Variants in CARNMT1 observed in about 807,000 individuals in gnomAD.
CARNMT1 encodes carnosine N-methyltransferase 1, also known as protein-L-histidine N-pros-methyltransferase CARNMT1.
In CARNMT1, 28 loss-of-function variants were observed where a neutral mutation model predicts 49.6. The ratio of observed to expected loss-of-function variants is 0.56; its 90% CI spans 0.42 to 0.77. The LOEUF (loss-of-function observed/expected upper bound fraction) is 0.77, where lower values mean the gene tolerates loss of function less well. Among genes scored for constraint, CARNMT1 ranks in the 30% least tolerant of loss-of-function variants. CARNMT1 has a pLI of 0.00. For synonymous variants in CARNMT1, 178 were observed against 175.0 expected (o/e 1.02, Z -0.13); for missense variants, 421 against 512.6 (o/e 0.82, Z 1.73).
chr9:75,017,497 AG>A (rs779293263), intron 1 of CARNMT1, 49 bp from the exon 2 acceptor site: 8 of 1,496,608 alleles, frequency 5.3e-6, no homozygotes, highest in African/African-American at 1.4e-5. Context: ...TTCTCACCAG[AG>A]GCCAATCTTA....
At chr9:74,990,123 T>C (rs765612655) in intron 6 of CARNMT1, among the ~76,000 whole-genome samples, 1 of 152,166 alleles carries the variant, frequency 6.6e-6, no homozygotes, top group South Asian at 2.1e-4. Context: ...AAACCTATGA[T>C]TGGTGAGAGG....
In CARNMT1 at chr9:74,982,988, C is replaced by G. The variant is rs1832725440; in HGVS notation, c.*779G>C. Reference sequence around the variant, plus strand: ...GAATATATTTTACCGGCCTGTGATGCTATTAAATTTAACATTTCATAAAAA... The same window carrying G: ...GAATATATTTTACCGGCCTGTGATGGTATTAAATTTAACATTTCATAAAAA... On this transcript the variant is annotated 3_prime_UTR_variant, in exon 8 of 8. Coordinates refer to ENST00000376834, the MANE Select transcript of CARNMT1 (RefSeq NM_152420.3). 1 of 152,030 alleles carries G rather than the reference C, an allele frequency of 6.6e-6. No homozygotes were observed. The highest frequency in any genetic ancestry group is 1.5e-5 in the Non-Finnish European group (1 of 67,996). 9.4% of individuals were successfully genotyped at this position (152,030 alleles called of 1,614,324 possible).
In CARNMT1 at chr9:75,028,222, G is replaced by A. The variant is rs1010934646; in HGVS notation, c.20C>T (p.Pro7Leu). ...GGGCAGCCGGGAGGTGGGCGGCGGA[G>A]GGCGACGCCGTCGCTGCATCGCCGC... is the stretch of plus-strand genomic sequence containing the variant. MQRRRR[P>L]PPPTSRLPEG... The change falls in exon 1 of 8, where the codon CCT becomes CTT. Residue 7 changes from proline (P) to leucine (L), a missense_variant. Transcript: ENST00000376834. 2 of 1,400,874 alleles carry A rather than the reference G, an allele frequency of 1.4e-6. No individual in the cohort carries two copies. The highest frequency in any genetic ancestry group is 3.0e-5 in the African/African-American group (2 of 65,574). The allele number at this position is 1,400,874 out of a possible 1,614,324, so 86.8% of individuals were successfully genotyped here. A position where few individuals can be genotyped will look rare whatever the true frequency, so the allele number is the denominator to read the frequency against.
intron 3 of CARNMT1, among the ~76,000 whole-genome samples, chr9:75,014,201 T>C (rs1472251766): frequency 1.3e-5 from 2 of 152,098 alleles, no homozygotes; most frequent in African/African-American, 2.4e-5. Flanking sequence ...ACAACCTTAG[T>C]CTAAGGGAAA....
intron 6 of CARNMT1, among the ~76,000 whole-genome samples, chr9:74,986,205 C>T (rs1194617990): frequency 2.0e-5 from 3 of 152,174 alleles, no homozygotes; most frequent in Non-Finnish European, 4.4e-5. Context: ...ACTCCCCATA[C>T]AATGTGCTAA....
intron 6 of CARNMT1, among the ~76,000 whole-genome samples, chr9:74,994,479 T>C (rs561775294): frequency 1.3e-5 from 2 of 152,314 alleles, no homozygotes; most frequent in South Asian, 2.1e-4. Flanking sequence ...TTGCCCAGGC[T>C]GGTCTTGAGA....
Position 75,004,946 on chromosome 9 carries a change from A to G in CARNMT1, c.591-5076T>C, listed in dbSNP as rs184962629. 2.6e-5 allele frequency among the ~76,000 whole-genome samples: 4 copies of G among 152,350 alleles called. No individual in the cohort carries two copies. In the East Asian group the frequency reaches 5.8e-4, roughly 22 times the overall value. On this transcript the variant is annotated intron_variant, in intron 3 of 7. Transcript: ENST00000376834. ...TTAGACTCAAAAAATGTGATTTTAC[A>G]TGTTAGCCTTCCTTCCAGATAGGAT... is the stretch of plus-strand genomic sequence containing the variant.
At chr9:74,995,961 A>T (rs1395205697) in intron 6 of CARNMT1, 1 of 152,030 alleles carries the variant, frequency 6.6e-6, no homozygotes, top group Non-Finnish European at 1.5e-5. Flanking sequence ...AATTTTGCAT[A>T]AAAAAAATTG....
intron 1 of CARNMT1, among the ~76,000 whole-genome samples, chr9:75,017,858 A>C (rs1329951202): frequency 6.6e-6 from 1 of 152,224 alleles, no homozygotes; most frequent in Non-Finnish European, 1.5e-5. Flanking sequence ...GAAATTAACT[A>C]AAAGCTAACC....
At chr9:75,002,889 T>C (rs1424022396) in intron 3 of CARNMT1, among the ~76,000 whole-genome samples, 1 of 152,058 alleles carries the variant, frequency 6.6e-6, no homozygotes. Flanking sequence ...TACAGGTGTG[T>C]GCCACCATGC....
intron 6 of CARNMT1, among the ~76,000 whole-genome samples, chr9:74,989,790 C>CAACA (rs1832960465): frequency 6.6e-6 from 1 of 152,112 alleles, no homozygotes; most frequent in South Asian, 2.1e-4. Flanking sequence ...CACTCAAAGT[C>CAACA]AACAGCACAG....
At chr9:75,021,902 C>G (rs954970584) in intron 1 of CARNMT1, among the ~76,000 whole-genome samples, 7 of 151,862 alleles carry the variant, frequency 4.6e-5, no homozygotes, top group African/African-American at 1.7e-4. Context: ...TGTGTCACTG[C>G]ACTACAGGCT....
chr9:74,992,760 T>C (rs912586990), intron 6 of CARNMT1, among the ~76,000 whole-genome samples: 3 of 152,208 alleles, frequency 2.0e-5, no homozygotes, highest in African/African-American at 7.2e-5. Flanking sequence ...TTCATGCAGT[T>C]TGGGCAACAT....
chr9:75,028,366 GC>G, upstream of CARNMT1: 1 of 1,301,712 alleles, frequency 7.7e-7, no homozygotes, highest in Non-Finnish European at 9.7e-7. Context: ...GGCGCGCTCC[GC>G]CCCCGCCACC....
chr9:75,018,850 C>A (rs1833925640), intron 1 of CARNMT1, among the ~76,000 whole-genome samples: 1 of 151,988 alleles, frequency 6.6e-6, no homozygotes, highest in South Asian at 2.1e-4. Flanking sequence ...ACCAGTAATC[C>A]CAGCTACTTG....
intron 6 of CARNMT1, among the ~76,000 whole-genome samples, chr9:74,986,896 CATCTT>C (rs1347868509): frequency 6.6e-6 from 1 of 152,202 alleles, no homozygotes; most frequent in Non-Finnish European, 1.5e-5. Flanking sequence ...TCAAGGAACA[CATCTT>C]AAGTTGCTTT....
intron 3 of CARNMT1, among the ~76,000 whole-genome samples, chr9:75,014,703 C>T (rs1396686566): frequency 1.3e-5 from 2 of 152,014 alleles, no homozygotes; most frequent in Non-Finnish European, 2.9e-5. Context: ...TTAAAATAGC[C>T]AGGCATAGTG....
rs1218333471 is a variant in CARNMT1, at chr9:74,983,484, T to A, written c.*283A>T. On this transcript the variant is annotated 3_prime_UTR_variant, in exon 8 of 8. Coordinates refer to ENST00000376834, the MANE Select transcript of CARNMT1 (RefSeq NM_152420.3). The stretch of plus-strand genomic sequence containing the variant: ...ATCATGAAGACACTGGAGATTAGGT[T>A]TTTTTCCTACTGAAACACAATTCTG... The A allele has an allele frequency of 2.4e-5, 6 of 245,230 alleles. No individual in the cohort carries two copies. The highest frequency in any genetic ancestry group is 1.2e-3 in the Middle Eastern group (1 of 822). The allele number at this position is 245,230 out of a possible 1,614,324, so 15.2% of individuals were successfully genotyped here. A position where few individuals can be genotyped will look rare whatever the true frequency, so the allele number is the denominator to read the frequency against.
chr9:75,021,671 C>T (rs896714515), intron 1 of CARNMT1, among the ~76,000 whole-genome samples: 1 of 151,538 alleles, frequency 6.6e-6, no homozygotes, highest in Non-Finnish European at 1.5e-5. Context: ...TGGCTCATGC[C>T]AGTAATCCCA....
Sources: gnomAD v4.1 joint callset for allele counts (sites outside exome capture counted in the v4.1 genomes callset) on GRCh38, gnomAD v4.1.1 for gene constraint, MANE v1.5 for transcripts, NCBI Gene and HGNC (gene_info 2026-07-23, HGNC 2026-07-21) for gene names.